Variants in CDH11 observed in about 807,000 individuals in gnomAD.
CDH11 encodes the protein cadherin-11.
A neutral mutation model predicts 67.8 loss-of-function variants in CDH11; 11 were observed. The observed-to-expected ratio is 0.16, with a 90% CI of 0.10 to 0.27. The LOEUF (loss-of-function observed/expected upper bound fraction) is 0.27. CDH11 is among the 10% of genes least tolerant of loss of function. The pLI, the probability that CDH11 is intolerant of heterozygous loss-of-function variation, is 1.00. For missense variants in CDH11, 847 were observed against 1,031.2 expected (o/e 0.82, Z 2.45); for synonymous variants, 419 against 400.0 (o/e 1.05, Z -0.57).
At chr16:64,983,188 A>G (rs568977635) in intron 7 of CDH11, 1 of 152,080 alleles carries the variant, frequency 6.6e-6, no homozygotes, top group South Asian at 2.1e-4. Context: ...GTCTATTTAA[A>G]GAAAAACAAA....
chr16:64,986,573 G>T (rs559165102), intron 7 of CDH11: 1 of 151,986 alleles, frequency 6.6e-6, no homozygotes, highest in Non-Finnish European at 1.5e-5. Context: ...TCAAGCAGAA[G>T]AGATAGTAAT....
chr16:65,060,682 C>T (rs1358644298), intron 1 of CDH11, among the ~76,000 whole-genome samples: 2 of 152,098 alleles, frequency 1.3e-5, no homozygotes, highest in Non-Finnish European at 2.9e-5. Context: ...TTTTATTTTA[C>T]TTATTTGTCT....
At chr16:65,095,801 A>G (rs1267932702) in intron 1 of CDH11, among the ~76,000 whole-genome samples, 1 of 152,178 alleles carries the variant, frequency 6.6e-6, no homozygotes, top group Non-Finnish European at 1.5e-5. Context: ...ATGTTGAAAC[A>G]TAATCTGTAA....
intron 1 of CDH11, among the ~76,000 whole-genome samples, chr16:65,072,466 C>G (rs931885777): frequency 6.6e-6 from 1 of 152,190 alleles, no homozygotes; most frequent in Admixed American, 6.5e-5. Flanking sequence ...GGGAGGACCT[C>G]GAACTATTTG....
In CDH11 at chr16:64,988,351, G is replaced by A; in HGVS notation, c.812-7C>T. The A allele has an allele frequency of 6.3e-7, 1 of 1,595,004 alleles. No homozygotes were observed. Among genetic ancestry groups the A allele is most frequent in the Non-Finnish European group, 8.5e-7 (1 of 1,172,896 alleles). On this transcript the variant is annotated splice_polypyrimidine_tract_variant and splice_region_variant and intron_variant, in intron 6 of 12. Coordinates refer to ENST00000268603, the MANE Select transcript of CDH11 (RefSeq NM_001797.4). ...ACAGACATCTGGTATACGCCTAGAAGAAGAAGACATCTATTTTTATTTTCT... is the reference window on the plus strand; with the variant it reads ...ACAGACATCTGGTATACGCCTAGAAAAAGAAGACATCTATTTTTATTTTCT...
intron 8 of CDH11, among the ~76,000 whole-genome samples, chr16:64,978,959 T>A (rs2072252796): frequency 6.6e-6 from 1 of 151,648 alleles, no homozygotes. Flanking sequence ...CAAAGGACAC[T>A]ATTAAGAAAC....
chr16:65,028,597 C>T (rs765651557), intron 2 of CDH11, among the ~76,000 whole-genome samples: 11 of 152,294 alleles, frequency 7.2e-5, no homozygotes, highest in East Asian at 1.9e-4. Flanking sequence ...GCCTGTCCTA[C>T]GGCTGAGTGC....
chr16:65,087,614 A>C (rs2142820714), intron 1 of CDH11, among the ~76,000 whole-genome samples: 1 of 152,320 alleles, frequency 6.6e-6, no homozygotes, highest in African/African-American at 2.4e-5. Context: ...GCATTAGGTA[A>C]ATTGTTTGCA....
intron 2 of CDH11, among the ~76,000 whole-genome samples, chr16:65,045,177 G>A (rs1009159621): frequency 2.0e-5 from 3 of 151,588 alleles, no homozygotes; most frequent in Non-Finnish European, 4.4e-5. Flanking sequence ...ATTCTGAAAA[G>A]TGTTTGGGAG....
At chr16:65,063,871 G>A (rs1023738644) in intron 1 of CDH11, among the ~76,000 whole-genome samples, 1 of 152,156 alleles carries the variant, frequency 6.6e-6, no homozygotes, top group African/African-American at 2.4e-5. Flanking sequence ...CTTTGTAATT[G>A]GAATAATCAG....
At chr16:64,972,799 G>T in intron 9 of CDH11, 105 bp downstream of exon 9, 1 of 1,189,172 alleles carries the variant, frequency 8.4e-7, no homozygotes, top group Non-Finnish European at 1.2e-6. Context: ...ATCTGTTTAA[G>T]ACCAAAAAAG....
At chr16:65,091,718 A>AT (rs948187743) in intron 1 of CDH11, among the ~76,000 whole-genome samples, 9 of 151,710 alleles carry the variant, frequency 5.9e-5, no homozygotes, top group African/African-American at 2.2e-4. Context: ...CGCCCGGCTA[A>AT]TTTTTTGTAT....
intron 12 of CDH11, chr16:64,948,667 ACCCC>A: frequency 6.2e-7 from 1 of 1,610,656 alleles, no homozygotes; most frequent in Non-Finnish European, 8.5e-7. Flanking sequence ...TTTTATAAAG[ACCCC>A]CAGAAGACAA....
intron 11 of CDH11, among the ~76,000 whole-genome samples, chr16:64,958,927 C>T (rs2071597042): frequency 6.6e-6 from 1 of 152,112 alleles, no homozygotes; most frequent in African/African-American, 2.4e-5. Flanking sequence ...CATACACACG[C>T]AAACATACAC....
intron 2 of CDH11, among the ~76,000 whole-genome samples, chr16:65,030,224 GA>G (rs2073615680): frequency 1.3e-5 from 2 of 152,112 alleles, no homozygotes; most frequent in Admixed American, 1.3e-4. Flanking sequence ...TGAATTACAG[GA>G]CCCCCAATTA....
Position 65,121,001 on chromosome 16 carries a change from G to T in CDH11, c.-298+879C>A, listed in dbSNP as rs2075318563. 6.6e-6 allele frequency among the ~76,000 whole-genome samples: 1 copy of T among 152,234 alleles called. No individual in the cohort carries two copies. The highest frequency in any genetic ancestry group is 1.5e-5 in the Non-Finnish European group (1 of 68,034). Reference sequence around the variant, plus strand: ...CTCCCGGCTCGCGTTCCGGGGCAGAGCGCAGGGAGGGAGGCCGTGCGTGCC... The same window carrying T: ...CTCCCGGCTCGCGTTCCGGGGCAGATCGCAGGGAGGGAGGCCGTGCGTGCC... On this transcript the variant is annotated intron_variant, in intron 1 of 12. Transcript: ENST00000268603. The surrounding 1 kb of genome is among the most constrained non-coding windows in gnomAD (Gnocchi z 4.1).
chr16:65,105,934 A>G (rs1454612361), intron 1 of CDH11, among the ~76,000 whole-genome samples: 4 of 152,226 alleles, frequency 2.6e-5, no homozygotes, highest in African/African-American at 4.8e-5. Flanking sequence ...CTTACCCACA[A>G]TGCTTTTCTT....
intron 8 of CDH11, among the ~76,000 whole-genome samples, chr16:64,978,913 C>T (rs2072251920): frequency 6.6e-6 from 1 of 151,098 alleles, no homozygotes. Context: ...AAGAATAGAC[C>T]CACTAGAATT....
chr16:65,077,567 A>G (rs748942552), intron 1 of CDH11, among the ~76,000 whole-genome samples: 22 of 152,262 alleles, frequency 1.4e-4, no homozygotes, highest in Non-Finnish European at 2.5e-4. Flanking sequence ...GCTGCATCAC[A>G]TCTCACCTGC....
Sources: allele counts gnomAD v4.1 joint callset (sites outside exome capture counted in the v4.1 genomes callset), GRCh38; gene constraint gnomAD v4.1.1; non-coding constraint Gnocchi (gnomAD v3.1); transcripts MANE v1.5; gene names NCBI Gene and HGNC (gene_info 2026-07-23, HGNC 2026-07-21).